KMT2A: variants seen among roughly 807,000 people sequenced by gnomAD.
KMT2A encodes the protein lysine methyltransferase 2A.
A neutral mutation model predicts 345.3 loss-of-function variants in KMT2A; 16 were observed. The observed-to-expected ratio is 0.05, with a 90% CI of 0.03 to 0.07. The LOEUF is 0.07. Ranked by LOEUF, KMT2A falls within the 10% of genes least tolerant of loss-of-function variation. The probability of loss-of-function intolerance (pLI) is 1.00; values close to 1 mark genes in which losing one functional copy is unlikely to be tolerated. For missense variants in KMT2A, 3,272 were observed against 4,841.6 expected, an observed-to-expected ratio of 0.68 and a Z score of 9.62; for synonymous variants, 1,599 against 1,778.6, an observed-to-expected ratio of 0.90 and a Z score of 2.54.
chr11:118,459,599 T>G (rs530984888), intron 1 of KMT2A, among the ~76,000 whole-genome samples: 42 of 152,286 alleles, frequency 2.8e-4, no homozygotes, highest in African/African-American at 9.9e-4. Flanking sequence ...CTCTGGAGCC[T>G]CCATCTTAGC....
chr11:118,478,277 A>G, intron 5 of KMT2A, 76 bp downstream of exon 5: 5 of 1,085,374 alleles, frequency 4.6e-6, no homozygotes, highest in Non-Finnish European at 5.5e-6. Context: ...TTTGTTGCAG[A>G]GATACATCAG....
In KMT2A at chr11:118,476,002, T is replaced by C. The variant is rs1293405391; in HGVS notation, c.3157-803T>C. Among the ~76,000 whole-genome samples the C allele has an allele frequency of 6.6e-6, 1 of 151,934 alleles. No homozygotes were observed. The highest frequency in any genetic ancestry group is 1.5e-5 in the Non-Finnish European group (1 of 68,002). ...CTCACTGCAACGTCCGCCTCCCAGG[T>C]TCAAGCAATTCTCCTGCCTCAGCCT... is the stretch of plus-strand genomic sequence containing the variant. On this transcript the variant is annotated intron_variant, in intron 3 of 35. Coordinates refer to ENST00000534358, the MANE Select transcript of KMT2A (RefSeq NM_001197104.2). This position sits in a 1 kb window ranked among gnomAD's most constrained non-coding sequence, Gnocchi z 4.1.
rs150277124 is a variant in KMT2A at position 118,482,021 on chromosome 11, C to A, written c.3941C>A (p.Pro1314Gln). The change falls in exon 7 of 36, where the codon CCG becomes CAG. Residue 1314 changes from proline (P) to glutamine (Q), a missense_variant. Coordinates refer to ENST00000534358, the MANE Select transcript of KMT2A (RefSeq NM_001197104.2). ...VIPPQPPTTG[P>Q]PRKEVPKTTP... ...CCGCCTCAGCCACCTACTACAGGAC[C>A]GCCAAGAAAAGAAGTTCCCAAAACC... 1 of 1,613,952 alleles carries A rather than the reference C, an allele frequency of 6.2e-7. No homozygotes were observed. The highest frequency in any genetic ancestry group is 8.5e-7 in the Non-Finnish European group (1 of 1,179,994).
At chr11:118,468,658 T>C in intron 1 of KMT2A, 117 bp from the exon 2 acceptor site, 1 of 730,728 alleles carries the variant, frequency 1.4e-6, no homozygotes, top group Non-Finnish European at 2.5e-6. Context: ...ATGATGATAA[T>C]TAATATATAA....
intron 1 of KMT2A, among the ~76,000 whole-genome samples, chr11:118,445,046 G>A (rs887822679): frequency 1.3e-5 from 2 of 152,146 alleles, no homozygotes; most frequent in African/African-American, 4.8e-5. Flanking sequence ...TGAAAGGAGA[G>A]CAGGGTTATA....
intron 10 of KMT2A, among the ~76,000 whole-genome samples, chr11:118,487,988 C>T (rs375252630): frequency 3.9e-5 from 6 of 152,114 alleles, no homozygotes; most frequent in Admixed American, 6.5e-5. Flanking sequence ...AGACCATCCT[C>T]GCTAACACAG....
At chr11:118,489,631 T>C (rs1438441510) in intron 11 of KMT2A, among the ~76,000 whole-genome samples, 161 bp from the exon 12 acceptor site, 2 of 152,222 alleles carry the variant, frequency 1.3e-5, no homozygotes, top group Admixed American at 1.3e-4. Flanking sequence ...AATAAATCTA[T>C]CTCAATGCTT....
Position 118,492,548 on chromosome 11 carries a change from G to C in KMT2A, c.5005-509G>C, listed in dbSNP as rs577138679. ...CAAAAAATTAGCCAGGCATGGTAGC[G>C]GTCACCTGTAGTCCCAGCTACTCGG... is the stretch of plus-strand genomic sequence containing the variant. On this transcript the variant is annotated intron_variant, in intron 15 of 35. Transcript: ENST00000534358. Among the ~76,000 whole-genome samples, 164 of 152,256 alleles carry C rather than the reference G, an allele frequency of 1.1e-3. 1 individual carries two copies. Among genetic ancestry groups the C allele is most frequent in the African/African-American group, 3.9e-3 (160 of 41,544 alleles).
chr11:118,508,038 A>C (rs973783851), intron 28 of KMT2A, among the ~76,000 whole-genome samples: 2 of 152,258 alleles, frequency 1.3e-5, no homozygotes, highest in Admixed American at 1.3e-4. Context: ...TTAAATGAGA[A>C]TAGTACAGGC....
intron 1 of KMT2A, among the ~76,000 whole-genome samples, chr11:118,459,372 T>A (rs1949704450): frequency 6.6e-6 from 1 of 151,992 alleles, no homozygotes; most frequent in Non-Finnish European, 1.5e-5. Context: ...AGGCCCTGAT[T>A]TTTCATAAGA....
At chr11:118,449,970 T>C (rs1285687919) in intron 1 of KMT2A, 3 of 152,334 alleles carry the variant, frequency 2.0e-5, no homozygotes, top group African/African-American at 4.8e-5. Context: ...TTTCTTATAA[T>C]AAAAAGAACT....
chr11:118,496,279 A>G lies in KMT2A; in HGVS notation c.5576A>G (p.Glu1859Gly). Residue 1859 changes from glutamate to glycine, a missense_variant, in exon 20 of 36, where the codon GAA becomes GGA. Transcript: ENST00000534358. The surrounding 1 kb of genome is among the most constrained non-coding windows in gnomAD (Gnocchi z 4.7). ...TTTCAAGGTACTGATAGGAGTCGAGAAGACAGTCCAGAGCTGAACCCACCC... is the reference window on the plus strand; with the variant it reads ...TTTCAAGGTACTGATAGGAGTCGAGGAGACAGTCCAGAGCTGAACCCACCC... ...PPILSTDRSR[E>G]DSPELNPPPG... 1.9e-6 allele frequency: 3 copies of G among 1,613,694 alleles called. No homozygotes were observed. In the East Asian group the frequency reaches 6.7e-5, roughly 36 times the overall value.
intron 3 of KMT2A, among the ~76,000 whole-genome samples, chr11:118,475,519 C>T (rs955494152): frequency 5.9e-5 from 9 of 152,180 alleles, no homozygotes; most frequent in East Asian, 1.9e-4. Context: ...GTCAGGAGAT[C>T]GAGACCATCC....
chr11:118,480,113 T>G, intron 5 of KMT2A, 61 bp from the exon 6 acceptor site: 4 of 1,323,250 alleles, frequency 3.0e-6, no homozygotes, highest in South Asian at 1.2e-5. Context: ...AAATGAACAC[T>G]TGTTTCAGTG....
At chr11:118,460,031 T>C (rs1467673312) in intron 1 of KMT2A, among the ~76,000 whole-genome samples, 10 of 152,142 alleles carry the variant, frequency 6.6e-5, no homozygotes, top group African/African-American at 2.4e-4. Flanking sequence ...CTAAAAGCTA[T>C]GCATTTTAGT....
At chr11:118,439,088 C>T (rs1949259988) in intron 1 of KMT2A, 1 of 512,738 alleles carries the variant, frequency 2.0e-6, no homozygotes, top group South Asian at 1.4e-5. Context: ...AAGACTGAAC[C>T]GTTCAGGTTA....
At chr11:118,514,054 T>C (rs1950752193) in intron 31 of KMT2A, among the ~76,000 whole-genome samples, 1 of 152,130 alleles carries the variant, frequency 6.6e-6, no homozygotes, top group African/African-American at 2.4e-5. Context: ...TCCCTTGTTA[T>C]TCTCTCATGC....
intron 1 of KMT2A, among the ~76,000 whole-genome samples, chr11:118,466,818 A>G (rs567597): frequency 6.6e-6 from 1 of 152,078 alleles, no homozygotes; most frequent in East Asian, 1.9e-4. Context: ...AAAACAAAAC[A>G]AAACAAAAAC....
chr11:118,459,852 A>G (rs1949713747), intron 1 of KMT2A, among the ~76,000 whole-genome samples: 1 of 146,786 alleles, frequency 6.8e-6, no homozygotes, highest in Admixed American at 7.0e-5. Flanking sequence ...ACGCCCGGCT[A>G]ATTTTTGTAT....
Sources: allele counts gnomAD v4.1 joint callset (sites outside exome capture counted in the v4.1 genomes callset), GRCh38; gene constraint gnomAD v4.1.1; non-coding constraint Gnocchi (gnomAD v3.1); transcripts MANE v1.5; gene names NCBI Gene and HGNC (gene_info 2026-07-23, HGNC 2026-07-21).